Variants in BAZ1B observed in about 807,000 individuals in gnomAD.
BAZ1B encodes the protein tyrosine-protein kinase BAZ1B.
BAZ1B carries 22 observed loss-of-function variants against 153.8 expected under a neutral mutation model. The ratio of observed to expected loss-of-function variants is 0.14; its 90% CI spans 0.10 to 0.20. The LOEUF (loss-of-function observed/expected upper bound fraction) is 0.20. BAZ1B is among the 10% of genes least tolerant of loss of function. The probability of loss-of-function intolerance (pLI) is 1.00; values close to 1 mark genes in which losing one functional copy is unlikely to be tolerated. For synonymous variants in BAZ1B, 676 were observed against 633.4 expected (o/e 1.07, Z -1.01); for missense variants, 1,325 against 1,799.3 (o/e 0.74, Z 4.77).
chr7:73,491,253 T>TC (rs1382470730), intron 5 of BAZ1B, among the ~76,000 whole-genome samples: 9 of 151,736 alleles, frequency 5.9e-5, no homozygotes, highest in Non-Finnish European at 1.2e-4. Flanking sequence ...GCCATTGTAC[T>TC]CCCGCCTGAG....
intron 13 of BAZ1B, among the ~76,000 whole-genome samples, chr7:73,457,716 G>C (rs1486282831): frequency 6.6e-6 from 1 of 152,062 alleles, no homozygotes; most frequent in African/African-American, 2.4e-5. Flanking sequence ...CTCTAGTTAT[G>C]GGGCTGGCCA....
At chr7:73,468,627 C>T (rs1554571543) in intron 9 of BAZ1B, among the ~76,000 whole-genome samples, 2 of 151,996 alleles carry the variant, frequency 1.3e-5, no homozygotes, top group Non-Finnish European at 2.9e-5. Flanking sequence ...CACATATACC[C>T]GGCACCCAGA....
chr7:73,443,329 G>C (rs774404391), intron 17 of BAZ1B, among the ~76,000 whole-genome samples: 1 of 152,096 alleles, frequency 6.6e-6, no homozygotes, highest in Non-Finnish European at 1.5e-5. Flanking sequence ...AGACATGTGA[G>C]GGTTAAGTGG....
chr7:73,513,710 T>G (rs1445894080), intron 1 of BAZ1B, among the ~76,000 whole-genome samples: 10 of 152,180 alleles, frequency 6.6e-5, no homozygotes, highest in Admixed American at 4.6e-4. Flanking sequence ...TCAAAAAGCT[T>G]GATAACATTC....
intron 3 of BAZ1B, chr7:73,507,358 G>A (rs1375709387): frequency 2.0e-5 from 3 of 152,024 alleles, no homozygotes; most frequent in African/African-American, 7.3e-5. Context: ...GACCAGCTGG[G>A]GCAACATGGT....
intron 3 of BAZ1B, among the ~76,000 whole-genome samples, chr7:73,504,731 G>C (rs1164473195): frequency 2.0e-5 from 3 of 152,122 alleles, no homozygotes; most frequent in Admixed American, 2.0e-4. Flanking sequence ...GGGAGGCTGA[G>C]GTGGGAGGAC....
intron 4 of BAZ1B, among the ~76,000 whole-genome samples, chr7:73,494,139 T>A (rs1451464416): frequency 6.6e-6 from 1 of 151,858 alleles, no homozygotes; most frequent in African/African-American, 2.4e-5. Flanking sequence ...CCCAGCACTT[T>A]GAGGAGCCAA....
At chr7:73,442,082 G>A (rs542123929) in intron 19 of BAZ1B, 99 bp downstream of exon 19, 170 of 830,238 alleles carry the variant, frequency 2.0e-4, no homozygotes, top group Admixed American at 4.5e-4. Flanking sequence ...GGGATGACAG[G>A]CGTTTCTGGA....
Position 73,450,745 on chromosome 7 carries a change from T to C in BAZ1B, c.3580+102A>G, listed in dbSNP as rs1238745265. ...GAGAGTAAAATCTATACCACACTTATATTCTGTGTACACAAAATTCTTTTG... is the reference window on the plus strand; with the variant it reads ...GAGAGTAAAATCTATACCACACTTACATTCTGTGTACACAAAATTCTTTTG... On this transcript the variant is annotated intron_variant, in intron 14 of 19. Coordinates refer to ENST00000339594, the MANE Select transcript of BAZ1B (RefSeq NM_032408.4). This position sits in a 1 kb window ranked among gnomAD's most constrained non-coding sequence, Gnocchi z 4.1. 16 of 1,368,590 alleles carry C rather than the reference T, an allele frequency of 1.2e-5. No individual in the cohort carries two copies. The highest frequency in any genetic ancestry group is 2.9e-5 in the African/African-American group (2 of 69,500). The allele number at this position is 1,368,590 out of a possible 1,614,324, so 84.8% of individuals were successfully genotyped here.
At chr7:73,509,163 A>G (rs782038430) in intron 2 of BAZ1B, among the ~76,000 whole-genome samples, 1 of 151,514 alleles carries the variant, frequency 6.6e-6, no homozygotes, top group Non-Finnish European at 1.5e-5. Context: ...CTCTACTCAA[A>G]ATACAAGAAT....
chr7:73,514,716 G>A (rs1554579033), intron 1 of BAZ1B, among the ~76,000 whole-genome samples: 2 of 152,198 alleles, frequency 1.3e-5, no homozygotes, highest in South Asian at 2.1e-4. Flanking sequence ...TGAGGTGGGA[G>A]GATCACTTGA....
chr7:73,502,266 T>C (rs1282745463), intron 3 of BAZ1B, among the ~76,000 whole-genome samples: 1 of 152,104 alleles, frequency 6.6e-6, no homozygotes, highest in Non-Finnish European at 1.5e-5. Context: ...AAACATGCTA[T>C]CTACATAGCC....
At chr7:73,492,174 G>GT (rs1198931867) in intron 5 of BAZ1B, among the ~76,000 whole-genome samples, 1 of 145,798 alleles carries the variant, frequency 6.9e-6, no homozygotes, top group Admixed American at 6.8e-5. Context: ...TTTTTGTTTT[G>GT]TTTTTTGAGA....
chr7:73,469,494 C>T, intron 9 of BAZ1B, 23 bp downstream of exon 9: 2 of 1,613,554 alleles, frequency 1.2e-6, no homozygotes, highest in Non-Finnish European at 1.7e-6. Flanking sequence ...TGAAATAACT[C>T]TTAGATATAC....
chr7:73,467,579 A>G (rs991607435), intron 9 of BAZ1B, among the ~76,000 whole-genome samples: 3 of 152,138 alleles, frequency 2.0e-5, no homozygotes, highest in African/African-American at 4.8e-5. Context: ...CATGTTGGCC[A>G]GGCTGGTCTT....
intron 11 of BAZ1B, among the ~76,000 whole-genome samples, chr7:73,463,313 C>T (rs1217383423): frequency 6.8e-6 from 1 of 146,506 alleles, no homozygotes; most frequent in Non-Finnish European, 1.5e-5. Flanking sequence ...GGTGCCATCA[C>T]AGCTCACTGC....
Position 73,442,469 on chromosome 7 carries a change from AC to A in BAZ1B, c.4178del (p.Cys1393PhefsTer16). Reference sequence around the variant, plus strand: ...GCACAGAGCGGTAGCTCCCACAGGAACATTTGTTCTGCACTGTCTGAAAGTC... The same window carrying A: ...GCACAGAGCGGTAGCTCCCACAGGAAATTTGTTCTGCACTGTCTGAAAGTC... ...PMDFQTVQNK[C>X]SCGSYRSVQE... On this transcript the variant is annotated frameshift_variant, in exon 19 of 20. Transcript: ENST00000339594. LOFTEE classifies it high-confidence loss of function. 6.2e-7 allele frequency: 1 copy of A among 1,614,230 alleles called. No individual in the cohort carries two copies.
intron 1 of BAZ1B, among the ~76,000 whole-genome samples, chr7:73,514,931 C>T (rs931192930): frequency 1.3e-5 from 2 of 150,882 alleles, no homozygotes; most frequent in Non-Finnish European, 3.0e-5. Flanking sequence ...AAACTAGCCA[C>T]GCATGGTGGC....
chr7:73,502,612 T>G (rs1445221001), intron 3 of BAZ1B, among the ~76,000 whole-genome samples: 1 of 146,984 alleles, frequency 6.8e-6, no homozygotes, highest in Non-Finnish European at 1.5e-5. Context: ...GACTGTAGGA[T>G]GAGGAAAAAA....
Sources: allele counts gnomAD v4.1 joint callset (sites outside exome capture counted in the v4.1 genomes callset), GRCh38; gene constraint gnomAD v4.1.1; non-coding constraint Gnocchi (gnomAD v3.1); transcripts MANE v1.5; gene names NCBI Gene and HGNC (gene_info 2026-07-23, HGNC 2026-07-21).